The following MIB2 variants were observed in gnomAD, a reference collection of about 807,000 sequenced individuals.
MIB2 encodes the protein E3 ubiquitin-protein ligase MIB2.
A neutral mutation model predicts 96.6 loss-of-function variants in MIB2; 78 were observed. The observed-to-expected ratio is 0.81, with a 90% CI of 0.67 to 0.97. The LOEUF (loss-of-function observed/expected upper bound fraction) is 0.97, where lower values mean the gene tolerates loss of function less well. MIB2 is among the 50% of genes least tolerant of loss of function. The pLI, the probability that MIB2 is intolerant of heterozygous loss-of-function variation, is 0.00. For synonymous variants in MIB2, 820 were observed against 629.5 expected (o/e 1.30, Z -4.53); for missense variants, 1,543 against 1,424.0 (o/e 1.08, Z -1.35).
chr1:1,625,914 C>T lies in MIB2; in HGVS notation c.972+261C>T, dbSNP rs938325813. ...AGGGCCTCCCTCTGTTCCAGGACACCAGGAAGGCAGGACAGCTTCGTGGGC... is the reference window on the plus strand; with the variant it reads ...AGGGCCTCCCTCTGTTCCAGGACACTAGGAAGGCAGGACAGCTTCGTGGGC... On this transcript the variant is annotated intron_variant, in intron 8 of 19. Transcript: ENST00000355826. The surrounding 1 kb of genome is among the most constrained non-coding windows in gnomAD (Gnocchi z 5.0). 1 of 542,422 alleles carries T rather than the reference C, an allele frequency of 1.8e-6. No homozygotes were observed. Among genetic ancestry groups the T allele is most frequent in the Middle Eastern group, 4.9e-4 (1 of 2,052 alleles). 33.6% of individuals were successfully genotyped at this position (542,422 alleles called of 1,614,324 possible).
At position 1,630,468 on chromosome 1, in the gene MIB2, G is replaced by T; in HGVS notation, c.2806G>T (p.Ala936Ser). 1 of 1,593,768 alleles carries T rather than the reference G, an allele frequency of 6.3e-7. No homozygotes were observed. Reference protein sequence around the residue: ...GHGACAPCGSALSACPICRQP... With the variant: ...GHGACAPCGSSLSACPICRQP... ...CGGCGCATGCGCCCCCTGCGGCTCC[G>T]CGCTCAGCGCCTGCCCCATCTGCCG... Residue 936 changes from alanine (A) to serine (S), a missense_variant, in exon 20 of 20, where the codon GCG becomes TCG. Physicochemically the swap from Ala to Ser is moderately conservative, Grantham distance 99. Transcript: ENST00000355826.
intron 2 of MIB2, among the ~76,000 whole-genome samples, chr1:1,620,676 A>C (rs866318509): frequency 2.6e-5 from 4 of 151,768 alleles, no homozygotes; most frequent in Middle Eastern, 3.4e-3. Context: ...TGTGTAGAGG[A>C]GGCTGGAGTG....
rs767604996 is a variant in MIB2 at position 1,616,560 on chromosome 1, G to A, written c.-77G>A. 5 of 1,604,214 alleles carry A rather than the reference G, an allele frequency of 3.1e-6. No homozygotes were observed. Among genetic ancestry groups the A allele is most frequent in the South Asian group, 1.1e-5 (1 of 89,764 alleles). On this transcript the variant is annotated 5_prime_UTR_variant, in exon 2 of 20. Transcript: ENST00000355826. ...CAGTCCCAAAGTTTCCAGGCATCAGGGCTGCAGCCCAGGAGCCTCAAGGCG... is the reference window on the plus strand; with the variant it reads ...CAGTCCCAAAGTTTCCAGGCATCAGAGCTGCAGCCCAGGAGCCTCAAGGCG...
intron 2 of MIB2, chr1:1,616,937 C>A: frequency 3.4e-6 from 1 of 296,048 alleles, no homozygotes; most frequent in South Asian, 3.2e-5. Context: ...CAACAAGTGT[C>A]TGAATGTGGC....
At position 1,628,108 on chromosome 1, in the gene MIB2, C is replaced by G. The variant is rs1045859435; in HGVS notation, c.1770C>G (p.Asn590Lys). The G allele has an allele frequency of 6.8e-6, 11 of 1,613,376 alleles. No homozygotes were observed. The highest frequency in any genetic ancestry group is 9.3e-6 in the Non-Finnish European group (11 of 1,179,994). ...TCGAGGTCCTCACGGAGGTGCCAAA[C>G]ATCGATGTTACCGCCACCAACAGCC... ...GIVEVLTEVP[N>K]IDVTATNSQG... Residue 590 changes from asparagine to lysine, a missense_variant, in exon 14 of 20, where the codon AAC (asparagine) becomes AAG (lysine). Physicochemically the swap from Asn to Lys is moderately conservative, Grantham distance 94. Coordinates refer to ENST00000355826, the MANE Select transcript of MIB2 (RefSeq NM_001170687.4).
intron 16 of MIB2, 142 bp from the exon 17 acceptor site, chr1:1,628,991 C>T (rs938536125): frequency 4.1e-5 from 39 of 952,740 alleles, no homozygotes; most frequent in Non-Finnish European, 2.9e-6. Flanking sequence ...TCCTGCCTGT[C>T]CCACTTGGGT....
intron 12 of MIB2, 104 bp downstream of exon 12, chr1:1,627,548 T>G (rs1307736565): frequency 3.4e-6 from 5 of 1,466,710 alleles, no homozygotes; most frequent in Non-Finnish European, 4.5e-6. Context: ...CGTCCTGGGG[T>G]GAGGCCTGGG....
rs868790322 is a variant in MIB2, at chr1:1,623,825, G to A, written c.299G>A (p.Arg100Gln). 20 of 1,609,958 alleles carry A rather than the reference G, an allele frequency of 1.2e-5. No homozygotes were observed. The highest frequency in any genetic ancestry group is 7.7e-5 in the South Asian group (7 of 90,582). Residue 100 changes from arginine (R) to glutamine (Q), a missense_variant, in exon 4 of 20, where the codon CGG becomes CAG. By Grantham distance (43) the Arg-to-Gln change is conservative (BLOSUM62 1). Coordinates refer to ENST00000355826, the MANE Select transcript of MIB2 (RefSeq NM_001170687.4). The stretch of plus-strand genomic sequence containing the variant: ...GACTGCTGCAAGAAGCACGGGCTGC[G>A]GGGGATGCGCTGGAAGTGCCGTGTG... ...ICDCCKKHGL[R>Q]GMRWKCRVCL...
At chr1:1,614,669 G>T (rs937919832), upstream of MIB2, 1 of 152,314 alleles carries the variant, frequency 6.6e-6, no homozygotes, top group Non-Finnish European at 1.5e-5. Context: ...GTGCAGCGGG[G>T]AAGATCAGCC....
intron 16 of MIB2, 176 bp from the exon 17 acceptor site, chr1:1,628,956 CA>C: frequency 1.3e-6 from 1 of 744,700 alleles, no homozygotes; most frequent in Non-Finnish European, 2.1e-6. Context: ...CTTAGGGTCT[CA>C]GAGCTCACCT....
At chr1:1,615,240 G>A (rs1643476846), upstream of MIB2, 1 of 906,178 alleles carries the variant, frequency 1.1e-6, no homozygotes, top group South Asian at 2.0e-5. Context: ...AGAGGTGGCT[G>A]CGGCGCGGCA....
At chr1:1,616,046 C>A (rs1643609834) in intron 1 of MIB2, 2 of 984,170 alleles carry the variant, frequency 2.0e-6, no homozygotes, top group Non-Finnish European at 2.4e-6. Flanking sequence ...GGCGGTCCCG[C>A]GCCCCCGAGC....
In MIB2 at chr1:1,627,661, C is replaced by T. The variant is rs1456202845; in HGVS notation, c.1524-12C>T. On this transcript the variant is annotated splice_polypyrimidine_tract_variant and intron_variant, in intron 12 of 19. Coordinates refer to ENST00000355826, the MANE Select transcript of MIB2 (RefSeq NM_001170687.4). The stretch of plus-strand genomic sequence containing the variant: ...CCCGGCGCCCTCCCTCTCCCACTTC[C>T]TCTCCTGTCAGGAACCAGCCCGAGG... 39 of 1,589,772 alleles carry T rather than the reference C, an allele frequency of 2.5e-5. No homozygotes were observed. Among genetic ancestry groups the T allele is most frequent in the Admixed American group, 1.2e-4 (7 of 58,864 alleles).
intron 19 of MIB2, 27 bp downstream of exon 19, chr1:1,629,731 C>T (rs1413960527): frequency 1.3e-6 from 2 of 1,560,806 alleles, no homozygotes; most frequent in Non-Finnish European, 1.7e-6. Flanking sequence ...GCCCCCAACA[C>T]GCCTCCTGCT....
intron 1 of MIB2, chr1:1,616,014 C>T: frequency 1.0e-6 from 1 of 984,636 alleles, no homozygotes; most frequent in Non-Finnish European, 1.2e-6. Flanking sequence ...AACGCCGGGA[C>T]AGACCGACAG....
intron 2 of MIB2, chr1:1,622,990 C>T (rs979382156): frequency 3.6e-5 from 9 of 251,406 alleles, no homozygotes; most frequent in Non-Finnish European, 6.1e-5. Context: ...CTCTGAGGGA[C>T]GCGTGTCACG....
chr1:1,628,287 T>C lies in MIB2; in HGVS notation c.1856T>C (p.Ile619Thr). ...LKGHALAVRK[I>T]LARARQLVDA... ...CTGCTCCACAGAGCTGTGAGAAAGA[T>C]TCTGGCTCGGGCGCGGCAGCTGGTG... Residue 619 changes from isoleucine to threonine, a missense_variant, in exon 15 of 20, where the codon ATT (isoleucine) becomes ACT (threonine). Coordinates refer to ENST00000355826, the MANE Select transcript of MIB2 (RefSeq NM_001170687.4). 1 of 1,613,030 alleles carries C rather than the reference T, an allele frequency of 6.2e-7. No individual in the cohort carries two copies. The highest frequency in any genetic ancestry group is 8.5e-7 in the Non-Finnish European group (1 of 1,179,958).
chr1:1,628,582 G>T lies in MIB2; in HGVS notation c.2062G>T (p.Val688Leu). The T allele has an allele frequency of 1.9e-6, 3 of 1,600,946 alleles. No individual in the cohort carries two copies. The highest frequency in any genetic ancestry group is 1.7e-6 in the Non-Finnish European group (2 of 1,178,070). The change falls in exon 16 of 20, where the codon GTG becomes TTG. Residue 688 changes from valine to leucine, a missense_variant. Val to Leu is a conservative substitution (Grantham distance 32). Coordinates refer to ENST00000355826, the MANE Select transcript of MIB2 (RefSeq NM_001170687.4). ...CCACGTGGGGCTGGTGCCGCTACTG[G>T]TGGACGCTGGGTGCAGTGTCAACGC... ...QAHVGLVPLL[V>L]DAGCSVNAED... is the part of the protein sequence containing the mutation.
Position 1,628,728 on chromosome 1 carries a change from G to C in MIB2, c.2202+6G>C. ...CCTTGCAGCTGCTGTCCAGGGTGAG[G>C]AAGTGTGGCGTGGGGTGCTGGAGAG... On this transcript the variant is annotated splice_donor_region_variant and intron_variant, in intron 16 of 19. Transcript: ENST00000355826. 1 of 1,526,034 alleles carries C rather than the reference G, an allele frequency of 6.6e-7. No individual in the cohort carries two copies. The allele number at this position is 1,526,034 out of a possible 1,614,324, so 94.5% of individuals were successfully genotyped here.
Sources: allele counts gnomAD v4.1 joint callset (sites outside exome capture counted in the v4.1 genomes callset), GRCh38; gene constraint gnomAD v4.1.1; non-coding constraint Gnocchi (gnomAD v3.1); transcripts MANE v1.5; gene names NCBI Gene and HGNC (gene_info 2026-07-23, HGNC 2026-07-21).